Variants in SHQ1 observed in about 807,000 individuals in gnomAD.
SHQ1 encodes protein SHQ1 homolog.
SHQ1 carries 49 observed loss-of-function variants against 53.8 expected under a neutral mutation model. That is an observed-to-expected ratio of 0.91 (90% CI 0.72 to 1.16). The LOEUF is 1.16. Ranked by LOEUF, SHQ1 falls within the 50% of genes most tolerant of loss-of-function variation. The pLI is 0.00. For missense variants in SHQ1, 738 were observed against 683.1 expected, an observed-to-expected ratio of 1.08 and a Z score of -0.90; for synonymous variants, 243 against 251.0, an observed-to-expected ratio of 0.97 and a Z score of 0.30.
intron 4 of SHQ1, among the ~76,000 whole-genome samples, chr3:72,836,207 T>C (rs1050625529): frequency 6.6e-6 from 1 of 152,188 alleles, no homozygotes; most frequent in Non-Finnish European, 1.5e-5. Flanking sequence ...AAGCAGCTCT[T>C]GGACAGGCAT....
At chr3:72,757,901 A>G (rs1323727927) in intron 10 of SHQ1, among the ~76,000 whole-genome samples, 2 of 152,198 alleles carry the variant, frequency 1.3e-5, no homozygotes, top group African/African-American at 4.8e-5. Context: ...GGTGGTGAAA[A>G]TAATCTGTAC....
intron 4 of SHQ1, among the ~76,000 whole-genome samples, chr3:72,835,132 A>T (rs1415728027): frequency 1.4e-5 from 2 of 147,804 alleles, no homozygotes; most frequent in Non-Finnish European, 3.0e-5. Flanking sequence ...TTTGAGACAG[A>T]GTATCCAGGA....
chr3:72,831,322 A>C (rs995179335), intron 5 of SHQ1, among the ~76,000 whole-genome samples: 2 of 152,242 alleles, frequency 1.3e-5, no homozygotes, highest in Non-Finnish European at 2.9e-5. Flanking sequence ...CAGGAGATAG[A>C]ATGTTAATCA....
At chr3:72,787,995 C>T (rs564044045) in intron 10 of SHQ1, among the ~76,000 whole-genome samples, 7 of 152,344 alleles carry the variant, frequency 4.6e-5, no homozygotes, top group Admixed American at 1.3e-4. Context: ...GGATTGCAGA[C>T]GGAGTCTCGC....
chr3:72,817,196 A>C (rs370511928), intron 7 of SHQ1, 34 bp downstream of exon 7: 2 of 1,595,720 alleles, frequency 1.3e-6, no homozygotes, highest in Non-Finnish European at 1.7e-6. Context: ...CAGCACAGTC[A>C]TCTATGGCAA....
chr3:72,773,466 A>G, intron 10 of SHQ1: 1 of 317,146 alleles, frequency 3.2e-6, no homozygotes. Context: ...GTTCAGAAAG[A>G]CCTCATAAAG....
At chr3:72,800,637 G>C (rs535693227) in intron 9 of SHQ1, among the ~76,000 whole-genome samples, 1 of 152,166 alleles carries the variant, frequency 6.6e-6, no homozygotes, top group Non-Finnish European at 1.5e-5. Flanking sequence ...CAAATTGTAT[G>C]ATCCTGTTTA....
chr3:72,792,772 A>C, intron 10 of SHQ1, 144 bp downstream of exon 10: 1 of 720,428 alleles, frequency 1.4e-6, no homozygotes. Flanking sequence ...TGACAAGGGC[A>C]AACCTCCATC....
chr3:72,822,067 A>C (rs948288812), intron 6 of SHQ1, among the ~76,000 whole-genome samples: 2 of 152,226 alleles, frequency 1.3e-5, no homozygotes, highest in African/African-American at 4.8e-5. Flanking sequence ...CGTTTCATTC[A>C]ATCTCAGGAC....
the SHQ1 span, among the ~76,000 whole-genome samples, chr3:72,738,901 G>A: frequency 2.0e-5 from 3 of 148,718 alleles, no homozygotes; most frequent in African/African-American, 7.4e-5. Flanking sequence ...ACCCCGCCCC[G>A]CCCCGCGACG....
intron 4 of SHQ1, among the ~76,000 whole-genome samples, chr3:72,834,892 C>T (rs1296747804): frequency 1.3e-5 from 2 of 152,108 alleles, no homozygotes; most frequent in Non-Finnish European, 2.9e-5. Flanking sequence ...TGTGCTATAA[C>T]AAATTTGCAC....
downstream of SHQ1, among the ~76,000 whole-genome samples, chr3:72,746,829 G>A (rs1383052345): frequency 6.6e-6 from 1 of 152,194 alleles, no homozygotes; most frequent in African/African-American, 2.4e-5. Context: ...TGACTTCAGT[G>A]GAAGTAAATG....
chr3:72,843,833 C>T (rs551390518), intron 2 of SHQ1, among the ~76,000 whole-genome samples: 7 of 152,150 alleles, frequency 4.6e-5, no homozygotes, highest in South Asian at 2.1e-4. Context: ...GTTCTAAATC[C>T]GATGACAAAG....
intron 9 of SHQ1, among the ~76,000 whole-genome samples, chr3:72,796,928 TAAAAA>T (rs60237295): frequency 2.5e-5 from 3 of 119,858 alleles, no homozygotes; most frequent in African/African-American, 9.2e-5. Flanking sequence ...CCTATTTTCT[TAAAAA>T]AAAAAAAAAA....
At chr3:72,834,289 G>A (rs1011379349) in intron 4 of SHQ1, among the ~76,000 whole-genome samples, 1 of 152,224 alleles carries the variant, frequency 6.6e-6, no homozygotes, top group African/African-American at 2.4e-5. Context: ...AGCACTTCGG[G>A]AGGCCAAGGC....
chr3:72,845,309 C>T (rs748926043), intron 1 of SHQ1, among the ~76,000 whole-genome samples: 1 of 151,942 alleles, frequency 6.6e-6, no homozygotes, highest in Non-Finnish European at 1.5e-5. Context: ...AATGGAGAAA[C>T]CCTATATCTA....
At chr3:72,769,199 C>T (rs1575681767) in intron 10 of SHQ1, among the ~76,000 whole-genome samples, 2 of 152,194 alleles carry the variant, frequency 1.3e-5, no homozygotes, top group African/African-American at 4.8e-5. Flanking sequence ...CAGCTGGCCC[C>T]AGCTCTAGCC....
Position 72,750,338 on chromosome 3 carries a change from A to G in SHQ1, c.1680T>C (p.Ala560=). The stretch of plus-strand genomic sequence containing the variant: ...TCTCCTGAATATTGCTGCGGTTTAC[A>G]GCAGTGGTGCCCTTGGGTTCAGAAA... ...VQVSEPKGTT[A]VNRSNIQERD... Residue 560 remains alanine, a synonymous_variant, in exon 11 of 11, where the codon GCT becomes GCC. Transcript: ENST00000325599. 6.2e-7 allele frequency: 1 copy of G among 1,614,184 alleles called. No homozygotes were observed. Among genetic ancestry groups the G allele is most frequent in the Non-Finnish European group, 8.5e-7 (1 of 1,180,022 alleles).
At position 72,773,292 on chromosome 3, in the gene SHQ1, A is replaced by T. The variant is rs1012824437; in HGVS notation, c.1181+19624T>A. ...AAAGAGAAAGGGACAAGAAAGATAA[A>T]GAAAAATTGGAATCTAGCTCCAAAG... On this transcript the variant is annotated intron_variant, in intron 10 of 10. Coordinates refer to ENST00000325599, the MANE Select transcript of SHQ1 (RefSeq NM_018130.3). The T allele has an allele frequency of 6.3e-6, 4 of 635,094 alleles. No homozygotes were observed. The Admixed American group carries it at 8.3e-5, about 13-fold the overall frequency. 39.3% of individuals were successfully genotyped at this position (635,094 alleles called of 1,614,324 possible).
Sources: allele counts gnomAD v4.1 joint callset (sites outside exome capture counted in the v4.1 genomes callset), GRCh38; gene constraint gnomAD v4.1.1; transcripts MANE v1.5; gene names NCBI Gene and HGNC (gene_info 2026-07-23, HGNC 2026-07-21).